UNC13C: variants seen among roughly 807,000 people sequenced by gnomAD.
UNC13C encodes the protein unc-13 homolog C, also known as protein unc-13 homolog C.
UNC13C carries 174 observed loss-of-function variants against 245.4 expected under a neutral mutation model. That is an observed-to-expected ratio of 0.71 (90% CI 0.63 to 0.80). The LOEUF (loss-of-function observed/expected upper bound fraction) is 0.80. Among genes scored for constraint, UNC13C ranks in the 30% least tolerant of loss-of-function variants. The pLI is 0.00. For missense variants in UNC13C, 2,829 were observed against 2,602.9 expected (o/e 1.09, Z -1.89); for synonymous variants, 992 against 895.1 (o/e 1.11, Z -1.93).
At position 54,300,437 on chromosome 15, in the gene UNC13C, G is replaced by A. The variant is rs374598688; in HGVS notation, c.4268+64G>A. On this transcript the variant is annotated intron_variant, in intron 13 of 32. Transcript: ENST00000260323. ...TTAAAATATAAAGAAAGAAAGGAGC[G>A]TTCATCTCACTTCTAATTCAAATGA... The A allele has an allele frequency of 3.4e-5, 47 of 1,399,702 alleles. 1 individual carries two copies. In the Middle Eastern group the frequency reaches 1.2e-3, roughly 37 times the overall value. 86.7% of individuals were successfully genotyped at this position (1,399,702 alleles called of 1,614,324 possible). A position where few individuals can be genotyped will look rare whatever the true frequency, so the allele number is the denominator to read the frequency against.
At chr15:54,469,314 G>A (rs962846364) in intron 19 of UNC13C, among the ~76,000 whole-genome samples, 1 of 151,484 alleles carries the variant, frequency 6.6e-6, no homozygotes, top group African/African-American at 2.4e-5. Context: ...ATGAGTTCTA[G>A]GAATGTTTCT....
chr15:54,608,673 C>T lies in UNC13C; in HGVS notation c.6107-13654C>T, dbSNP rs568537417. On this transcript the variant is annotated intron_variant, in intron 30 of 32. Transcript: ENST00000260323. ...TCCAGATTCTTATTCAGCACTGTGT[C>T]ACGATAAAAAACAAAATACACTAAG... 1.6e-4 allele frequency among the ~76,000 whole-genome samples: 25 copies of T among 152,182 alleles called. No homozygotes were observed. The South Asian group carries it at 5.2e-3, about 32-fold the overall frequency.
intron 1 of UNC13C, among the ~76,000 whole-genome samples, chr15:53,991,142 G>A (rs573472054): frequency 2.0e-5 from 3 of 152,058 alleles, no homozygotes; most frequent in South Asian, 4.1e-4. Context: ...CTTTCTATTA[G>A]GGTATCATTT....
At chr15:53,936,761 C>T in the UNC13C span, among the ~76,000 whole-genome samples, 20 of 152,136 alleles carry the variant, frequency 1.3e-4, no homozygotes, top group Non-Finnish European at 2.4e-4. Context: ...GAGTGGACCC[C>T]CAGCAAACTG....
At chr15:53,845,850 T>C in the UNC13C span, among the ~76,000 whole-genome samples, 2 of 152,162 alleles carry the variant, frequency 1.3e-5, no homozygotes, top group African/African-American at 4.8e-5. Context: ...AGCATCATTT[T>C]TCATTTTTGG....
chr15:54,619,593 C>G (rs2911847), intron 30 of UNC13C, among the ~76,000 whole-genome samples: 118,072 of 152,078 alleles, frequency 0.78, 46,671 homozygotes, highest in African/African-American at 0.94. Context: ...ACAGTGATTA[C>G]TGGACTACAG....
At chr15:54,103,136 C>T (rs919535039) in intron 2 of UNC13C, among the ~76,000 whole-genome samples, 5 of 152,116 alleles carry the variant, frequency 3.3e-5, no homozygotes, top group Admixed American at 2.0e-4. Context: ...TGTTTCATTC[C>T]GATCACAGAC....
chr15:54,063,072 T>C (rs990032741), intron 2 of UNC13C, among the ~76,000 whole-genome samples: 1 of 152,194 alleles, frequency 6.6e-6, no homozygotes, highest in Admixed American at 6.5e-5. Context: ...TATTTGGTTT[T>C]TTTCCTTCCA....
chr15:53,843,613 T>C, the UNC13C span, among the ~76,000 whole-genome samples: 1 of 152,022 alleles, frequency 6.6e-6, no homozygotes, highest in Non-Finnish European at 1.5e-5. Flanking sequence ...GCTAGAGGTC[T>C]GAAGAGGATA....
the UNC13C span, among the ~76,000 whole-genome samples, chr15:53,937,475 A>T: frequency 6.6e-6 from 1 of 152,206 alleles, no homozygotes; most frequent in Non-Finnish European, 1.5e-5. Flanking sequence ...GATTTCATAC[A>T]GTAGAACTTC....
the UNC13C span, among the ~76,000 whole-genome samples, chr15:53,965,286 C>T: frequency 6.6e-6 from 1 of 151,906 alleles, no homozygotes; most frequent in African/African-American, 2.4e-5. Context: ...CCTCTCTTCC[C>T]CTCCTCAGCT....
At chr15:54,586,450 C>T (rs1158542122) in intron 30 of UNC13C, among the ~76,000 whole-genome samples, 2 of 152,148 alleles carry the variant, frequency 1.3e-5, no homozygotes, top group Non-Finnish European at 2.9e-5. Flanking sequence ...GGCCTTTTCC[C>T]CGTGCACAGG....
intron 19 of UNC13C, among the ~76,000 whole-genome samples, chr15:54,456,093 A>C (rs1237029066): frequency 6.6e-6 from 1 of 152,196 alleles, no homozygotes; most frequent in East Asian, 1.9e-4. Flanking sequence ...GTGGCTTGCC[A>C]ATTATCCCAG....
chr15:54,151,789 T>A (rs12902387), intron 4 of UNC13C, among the ~76,000 whole-genome samples: 41,780 of 151,994 alleles, frequency 0.27, 5,840 homozygotes, highest in South Asian at 0.35. Flanking sequence ...TGCCATCAAC[T>A]CTGACAACTT....
chr15:54,279,065 C>A (rs1331143385), intron 10 of UNC13C, among the ~76,000 whole-genome samples: 1 of 152,122 alleles, frequency 6.6e-6, no homozygotes, highest in Non-Finnish European at 1.5e-5. Context: ...GTTCTTATGG[C>A]ACTTAAGTTT....
intron 4 of UNC13C, among the ~76,000 whole-genome samples, chr15:54,198,176 C>A (rs892127839): frequency 1.3e-5 from 2 of 152,056 alleles, no homozygotes; most frequent in Non-Finnish European, 2.9e-5. Flanking sequence ...TCAAGCCCTG[C>A]CGAAGGAGGG....
chr15:54,442,687 T>C (rs193189392), intron 19 of UNC13C, among the ~76,000 whole-genome samples: 78 of 150,734 alleles, frequency 5.2e-4, no homozygotes, highest in South Asian at 2.1e-3. Flanking sequence ...TGAGATGATC[T>C]TTTTTGTCTT....
intron 10 of UNC13C, among the ~76,000 whole-genome samples, chr15:54,268,052 C>A (rs1414305607): frequency 6.6e-6 from 1 of 151,740 alleles, no homozygotes; most frequent in Non-Finnish European, 1.5e-5. Context: ...ACCTATCAAC[C>A]CATCATCTAG....
intron 4 of UNC13C, among the ~76,000 whole-genome samples, chr15:54,176,361 A>G (rs1435648911): frequency 6.6e-6 from 1 of 152,172 alleles, no homozygotes; most frequent in Non-Finnish European, 1.5e-5. Context: ...TAAAGAAACA[A>G]TATAACTTTT....
Sources: gnomAD v4.1 joint callset for allele counts (sites outside exome capture counted in the v4.1 genomes callset) on GRCh38, gnomAD v4.1.1 for gene constraint, MANE v1.5 for transcripts, NCBI Gene and HGNC (gene_info 2026-07-23, HGNC 2026-07-21) for gene names.